Variants in PDE8B observed in about 807,000 individuals in gnomAD.
The protein encoded by PDE8B is phosphodiesterase 8B.
In PDE8B, 26 loss-of-function variants were observed where a neutral mutation model predicts 101.3. That is an observed-to-expected ratio of 0.26 (90% CI 0.19 to 0.36). The LOEUF (loss-of-function observed/expected upper bound fraction) is 0.36, where lower values mean the gene tolerates loss of function less well. Ranked by LOEUF, PDE8B falls within the 10% of genes least tolerant of loss-of-function variation. The pLI is 1.00. For missense variants in PDE8B, 810 were observed against 1,163.1 expected, an observed-to-expected ratio of 0.70 and a Z score of 4.42; for synonymous variants, 424 against 429.3, an observed-to-expected ratio of 0.99 and a Z score of 0.15.
intron 10 of PDE8B, among the ~76,000 whole-genome samples, chr5:77,398,017 GAA>G (rs1309050445): frequency 6.6e-6 from 1 of 151,998 alleles, no homozygotes; most frequent in South Asian, 2.1e-4. Flanking sequence ...GTTTCATGAG[GAA>G]AAAGAGATTC....
intron 11 of PDE8B, among the ~76,000 whole-genome samples, chr5:77,401,283 T>C (rs549861033): frequency 5.5e-4 from 83 of 152,150 alleles, no homozygotes; most frequent in Non-Finnish European, 1.1e-3. Context: ...CTCACACACA[T>C]ACATTTTAGT....
the PDE8B span, among the ~76,000 whole-genome samples, chr5:77,183,884 C>T: frequency 1.3e-5 from 2 of 152,094 alleles, no homozygotes; most frequent in East Asian, 3.8e-4. Context: ...TATATTTCTG[C>T]ATACCTGTTT....
intron 10 of PDE8B, among the ~76,000 whole-genome samples, chr5:77,387,138 C>T (rs921764847): frequency 3.3e-5 from 5 of 151,750 alleles, no homozygotes; most frequent in Admixed American, 1.3e-4. Context: ...CCGCCTCGGC[C>T]GATGTAGTTT....
At chr5:77,242,724 T>C (rs907978207) in intron 1 of PDE8B, among the ~76,000 whole-genome samples, 3 of 152,166 alleles carry the variant, frequency 2.0e-5, no homozygotes, top group Admixed American at 6.5e-5. Context: ...CAGGCTGGAG[T>C]GCAGTGGCAC....
chr5:77,126,838 T>C, the PDE8B span, among the ~76,000 whole-genome samples: 2 of 152,174 alleles, frequency 1.3e-5, no homozygotes, highest in Non-Finnish European at 2.9e-5. Context: ...AAAAAATAAA[T>C]ATCTTTAATA....
chr5:77,385,562 G>A (rs1055836507), intron 10 of PDE8B, among the ~76,000 whole-genome samples: 1 of 151,714 alleles, frequency 6.6e-6, no homozygotes, highest in Admixed American at 6.6e-5. Flanking sequence ...TAATTGTGAT[G>A]TTAGGGTGTC....
At chr5:77,241,082 A>G (rs529258255) in intron 1 of PDE8B, among the ~76,000 whole-genome samples, 2 of 152,330 alleles carry the variant, frequency 1.3e-5, no homozygotes, top group African/African-American at 4.8e-5. Flanking sequence ...ACAGCAGCCA[A>G]ATGAAAAGAG....
chr5:77,210,781 G>T lies in PDE8B; in HGVS notation c.-145G>T, dbSNP rs957093840. The T allele has an allele frequency of 2.3e-3, 2,274 of 983,008 alleles. 5 individuals are homozygous for T. The highest frequency in any genetic ancestry group is 2.6e-3 in the Non-Finnish European group (2,128 of 829,746). The allele number at this position is 983,008 out of a possible 1,614,324, so 60.9% of individuals were successfully genotyped here. A position where few individuals can be genotyped will look rare whatever the true frequency, so the allele number is the denominator to read the frequency against. On this transcript the variant is annotated 5_prime_UTR_variant, in exon 1 of 22. Coordinates refer to ENST00000264917, the MANE Select transcript of PDE8B (RefSeq NM_003719.5). This position sits in a 1 kb window ranked among gnomAD's most constrained non-coding sequence, Gnocchi z 4.9. The stretch of plus-strand genomic sequence containing the variant: ...GGCTCGGCGGGGGGCACCGCGGCCA[G>T]CCCGACGGAGCGGCGGACACACAGG...
At chr5:77,404,055 C>T (rs1028357335) in intron 11 of PDE8B, among the ~76,000 whole-genome samples, 3 of 151,762 alleles carry the variant, frequency 2.0e-5, no homozygotes, top group Admixed American at 6.6e-5. Context: ...ACGATCTTGG[C>T]TCATTGCATG....
intron 10 of PDE8B, among the ~76,000 whole-genome samples, chr5:77,365,562 A>G (rs1415907589): frequency 2.0e-5 from 3 of 152,220 alleles, no homozygotes; most frequent in Non-Finnish European, 4.4e-5. Context: ...CCTGGCACAC[A>G]GAAAATATCT....
the PDE8B span, among the ~76,000 whole-genome samples, chr5:77,187,815 C>T: frequency 6.6e-6 from 1 of 152,118 alleles, no homozygotes; most frequent in African/African-American, 2.4e-5. Flanking sequence ...GAGGCATAAA[C>T]AAATGAAAAA....
the PDE8B span, among the ~76,000 whole-genome samples, chr5:77,157,693 A>C: frequency 2.0e-5 from 3 of 152,246 alleles, no homozygotes; most frequent in Non-Finnish European, 4.4e-5. Context: ...ATGCTTGCTG[A>C]ATGAATTAGT....
chr5:77,148,964 A>C, the PDE8B span, among the ~76,000 whole-genome samples: 1,889 of 152,290 alleles, frequency 0.012, 40 homozygotes, highest in African/African-American at 0.043. Context: ...CAAAGTTACC[A>C]AGGTATTTTC....
chr5:77,234,208 G>A (rs192282462), intron 1 of PDE8B, among the ~76,000 whole-genome samples: 7 of 152,172 alleles, frequency 4.6e-5, no homozygotes, highest in Non-Finnish European at 1.0e-4. Flanking sequence ...TCCTAATGAC[G>A]ATGTGGTACA....
intron 19 of PDE8B, 46 bp from the exon 20 acceptor site, chr5:77,421,775 T>A (rs1172759361): frequency 1.3e-6 from 2 of 1,598,786 alleles, no homozygotes; most frequent in Admixed American, 3.4e-5. Context: ...CTTGTGGGCT[T>A]CACCGTCATC....
intron 10 of PDE8B, among the ~76,000 whole-genome samples, chr5:77,396,400 T>C (rs980464773): frequency 6.6e-6 from 1 of 152,256 alleles, no homozygotes; most frequent in Non-Finnish European, 1.5e-5. Flanking sequence ...TTTTAGCTTT[T>C]ATAGAAAATA....
Position 77,408,069 on chromosome 5 carries a change from T to C in PDE8B, c.1365+612T>C, listed in dbSNP as rs763601133. On this transcript the variant is annotated intron_variant, in intron 13 of 21. Coordinates refer to ENST00000264917, the MANE Select transcript of PDE8B (RefSeq NM_003719.5). ...ACCCAGCTTCTGTGCAGAGAATCGA[T>C]TGGAGGTGGCAAGAGAACAGGTCAG... Among the ~76,000 whole-genome samples the C allele has an allele frequency of 6.6e-5, 10 of 152,090 alleles. No homozygotes were observed. The South Asian group carries it at 8.3e-4, about 13-fold the overall frequency.
At chr5:77,200,709 C>A in the PDE8B span, among the ~76,000 whole-genome samples, 88 of 152,200 alleles carry the variant, frequency 5.8e-4, no homozygotes, top group Non-Finnish European at 1.0e-3. Context: ...AGTGCAAATT[C>A]TCAGGCCTCG....
chr5:77,375,370 G>A (rs1219315166), intron 10 of PDE8B, among the ~76,000 whole-genome samples: 1 of 152,190 alleles, frequency 6.6e-6, no homozygotes, highest in Non-Finnish European at 1.5e-5. Context: ...AGTCTAAACT[G>A]TTACCTGGAC....
Sources: gnomAD v4.1 joint callset for allele counts (sites outside exome capture counted in the v4.1 genomes callset) on GRCh38, gnomAD v4.1.1 for gene constraint, Gnocchi (gnomAD v3.1) non-coding constraint, MANE v1.5 for transcripts, NCBI Gene and HGNC (gene_info 2026-07-23, HGNC 2026-07-21) for gene names.